Variants in TTLL9 observed in about 807,000 individuals in gnomAD.
TTLL9 encodes the protein tubulin tyrosine ligase like 9.
TTLL9 carries 47 observed loss-of-function variants against 65.6 expected under a neutral mutation model. The observed-to-expected ratio is 0.72, with a 90% CI of 0.57 to 0.91. The LOEUF is 0.91. Among genes scored for constraint, TTLL9 ranks in the 40% least tolerant of loss-of-function variants. The probability of loss-of-function intolerance (pLI) is 0.00; values close to 1 mark genes in which losing one functional copy is unlikely to be tolerated. For missense variants in TTLL9, 537 were observed against 568.8 expected (o/e 0.94, Z 0.57); for synonymous variants, 179 against 204.8 (o/e 0.87, Z 1.07).
At chr20:31,941,046 T>G (rs1470175978) in intron 14 of TTLL9, 1 of 151,236 alleles carries the variant, frequency 6.6e-6, no homozygotes, top group Admixed American at 6.6e-5. Flanking sequence ...TGAAACACTG[T>G]CTCTACTAAA....
At chr20:31,894,239 G>T (rs1158878285) in intron 3 of TTLL9, among the ~76,000 whole-genome samples, 2 of 151,672 alleles carry the variant, frequency 1.3e-5, no homozygotes, top group Admixed American at 1.3e-4. Flanking sequence ...AGGTAGCTGG[G>T]ACTACAGGCA....
intron 12 of TTLL9, among the ~76,000 whole-genome samples, chr20:31,936,244 T>C (rs1342109184): frequency 2.6e-5 from 4 of 152,174 alleles, no homozygotes; most frequent in African/African-American, 9.7e-5. Flanking sequence ...GCCTTTAGAC[T>C]GTTTTTGTTT....
At chr20:31,896,902 C>T (rs919940133) in intron 3 of TTLL9, among the ~76,000 whole-genome samples, 1 of 152,038 alleles carries the variant, frequency 6.6e-6, no homozygotes, top group Non-Finnish European at 1.5e-5. Context: ...GGTGTATAGT[C>T]CTTTTTATAT....
intron 3 of TTLL9, among the ~76,000 whole-genome samples, chr20:31,897,159 G>T (rs963971357): frequency 6.6e-6 from 1 of 152,186 alleles, no homozygotes; most frequent in Non-Finnish European, 1.5e-5. Flanking sequence ...TGAGCCTGGA[G>T]ATTTCTTTTT....
chr20:31,888,694 G>A (rs1156502312), intron 3 of TTLL9, among the ~76,000 whole-genome samples: 2 of 152,100 alleles, frequency 1.3e-5, no homozygotes, highest in African/African-American at 4.8e-5. Flanking sequence ...GTTTCTACAG[G>A]CTGTACAAGC....
intron 7 of TTLL9, among the ~76,000 whole-genome samples, 190 bp downstream of exon 7, chr20:31,920,122 C>T (rs962797324): frequency 1.3e-5 from 2 of 152,172 alleles, no homozygotes; most frequent in Non-Finnish European, 2.9e-5. Context: ...CTCAGTCACT[C>T]AATAGCTGTG....
intron 4 of TTLL9, among the ~76,000 whole-genome samples, chr20:31,902,254 ATT>A (rs967310506): frequency 6.6e-6 from 1 of 151,994 alleles, no homozygotes; most frequent in African/African-American, 2.4e-5. Context: ...CCTTGTCTCT[ATT>A]TATCTATTCT....
chr20:31,903,817 A>G (rs1351925941), intron 4 of TTLL9, among the ~76,000 whole-genome samples: 2 of 152,234 alleles, frequency 1.3e-5, no homozygotes, highest in Non-Finnish European at 2.9e-5. Flanking sequence ...TACATTTGTC[A>G]AAGTCAGGAC....
At chr20:31,937,949 G>GAA (rs752732256) in intron 13 of TTLL9, among the ~76,000 whole-genome samples, 2 of 138,000 alleles carry the variant, frequency 1.4e-5, no homozygotes, top group Admixed American at 7.2e-5. Context: ...TGCAATAGCA[G>GAA]AAAAAAAAAA....
intron 2 of TTLL9, among the ~76,000 whole-genome samples, chr20:31,874,779 A>G (rs532078480): frequency 5.6e-4 from 85 of 152,304 alleles, no homozygotes; most frequent in African/African-American, 1.9e-3. Context: ...AAGTGTCATT[A>G]TTAGTGAAAG....
chr20:31,888,270 T>C (rs1340674698), intron 3 of TTLL9, among the ~76,000 whole-genome samples: 1 of 152,192 alleles, frequency 6.6e-6, no homozygotes, highest in Non-Finnish European at 1.5e-5. Context: ...TCTCATGCAG[T>C]GCCCATCTTC....
At position 31,886,859 on chromosome 20, in the gene TTLL9, G is replaced by A. The variant is rs558635354; in HGVS notation, c.70-337G>A. 5.3e-5 allele frequency among the ~76,000 whole-genome samples: 8 copies of A among 152,310 alleles called. 1 individual carries two copies. In the East Asian group the frequency reaches 1.2e-3, roughly 22 times the overall value. On this transcript the variant is annotated intron_variant, in intron 2 of 14. Coordinates refer to ENST00000535842, the MANE Select transcript of TTLL9 (RefSeq NM_001008409.5). Reference sequence around the variant, plus strand: ...AACAAAAGCTCAGATTCTTCTCACAGAGTGTATTGAACTGAGCTTTCAAAA... The same window carrying A: ...AACAAAAGCTCAGATTCTTCTCACAAAGTGTATTGAACTGAGCTTTCAAAA...
intron 2 of TTLL9, among the ~76,000 whole-genome samples, chr20:31,881,548 T>C (rs1242186584): frequency 6.6e-6 from 1 of 151,254 alleles, no homozygotes; most frequent in African/African-American, 2.4e-5. Flanking sequence ...ATGACCAAAC[T>C]CTCAAATTTT....
At chr20:31,908,126 TC>T (rs1207912084) in intron 4 of TTLL9, among the ~76,000 whole-genome samples, 11 of 152,140 alleles carry the variant, frequency 7.2e-5, no homozygotes, top group African/African-American at 2.7e-4. Flanking sequence ...TGGGGGCTGC[TC>T]TGAGGATTTA....
intron 3 of TTLL9, among the ~76,000 whole-genome samples, chr20:31,896,481 A>G (rs2063390569): frequency 6.6e-6 from 1 of 151,874 alleles, no homozygotes; most frequent in Non-Finnish European, 1.5e-5. Context: ...TAATCATGTG[A>G]TTTCTCCATT....
Position 31,943,300 on chromosome 20 carries a change from A to C in TTLL9, c.*279A>C. ...TTGGCAGTTAGGCCCAAAGAGAACA[A>C]ATACAGCAAGTTCTGCTACCCCCAG... On this transcript the variant is annotated 3_prime_UTR_variant, in exon 15 of 15. Coordinates refer to ENST00000535842, the MANE Select transcript of TTLL9 (RefSeq NM_001008409.5). 3.9e-6 allele frequency: 2 copies of C among 508,698 alleles called. No individual in the cohort carries two copies. The highest frequency in any genetic ancestry group is 3.5e-5 in the East Asian group (1 of 28,256). The allele number at this position is 508,698 out of a possible 1,614,324, so 31.5% of individuals were successfully genotyped here. A position where few individuals can be genotyped will look rare whatever the true frequency, so the allele number is the denominator to read the frequency against.
At chr20:31,909,972 C>A in intron 6 of TTLL9, 50 bp downstream of exon 6, 1 of 1,557,054 alleles carries the variant, frequency 6.4e-7, no homozygotes, top group Non-Finnish European at 8.8e-7. Context: ...GTCCCAGGTG[C>A]CATAGCAGGG....
intron 2 of TTLL9, among the ~76,000 whole-genome samples, chr20:31,871,405 C>T (rs2123339658): frequency 6.6e-6 from 1 of 152,242 alleles, no homozygotes; most frequent in Non-Finnish European, 1.5e-5. Flanking sequence ...TGAGGTGAGC[C>T]CTTCCTGGCT....
chr20:31,920,625 C>G (rs1198861780), intron 7 of TTLL9: 1 of 152,718 alleles, frequency 6.5e-6, no homozygotes, highest in Non-Finnish European at 1.5e-5. Context: ...AATGTCTTGA[C>G]TCCTCCCATG....
Sources: allele counts gnomAD v4.1 joint callset (sites outside exome capture counted in the v4.1 genomes callset), GRCh38; gene constraint gnomAD v4.1.1; transcripts MANE v1.5; gene names NCBI Gene and HGNC (gene_info 2026-07-23, HGNC 2026-07-21).